The following WDFY2 variants were observed in gnomAD, a reference collection of about 807,000 sequenced individuals.
WDFY2 encodes WD repeat and FYVE domain-containing protein 2.
In WDFY2, 36 loss-of-function variants were observed where a neutral mutation model predicts 56.4. That is an observed-to-expected ratio of 0.64 (90% CI 0.49 to 0.84). The LOEUF is 0.84. Ranked by LOEUF, WDFY2 falls within the 40% of genes least tolerant of loss-of-function variation. The probability of loss-of-function intolerance (pLI) is 0.00; values close to 1 mark genes in which losing one functional copy is unlikely to be tolerated. For synonymous variants in WDFY2, 176 were observed against 183.7 expected, an observed-to-expected ratio of 0.96 and a Z score of 0.34; for missense variants, 444 against 512.2, an observed-to-expected ratio of 0.87 and a Z score of 1.29.
chr13:51,694,255 C>T (rs989019969), intron 3 of WDFY2, among the ~76,000 whole-genome samples: 1 of 152,140 alleles, frequency 6.6e-6, no homozygotes, highest in Non-Finnish European at 1.5e-5. Context: ...TTGCCCGTTA[C>T]TTGATGCAGT....
chr13:51,595,391 G>T (rs552738469), intron 1 of WDFY2, among the ~76,000 whole-genome samples: 2 of 152,310 alleles, frequency 1.3e-5, no homozygotes, highest in African/African-American at 4.8e-5. Flanking sequence ...TAGAAGTTTT[G>T]AATTTGTCGG....
At chr13:51,669,915 C>T (rs1028663431) in intron 2 of WDFY2, among the ~76,000 whole-genome samples, 2 of 152,150 alleles carry the variant, frequency 1.3e-5, no homozygotes, top group African/African-American at 2.4e-5. Context: ...TTTATTTCAT[C>T]TAGAGTTCAG....
At chr13:51,601,889 G>A (rs1484987369) in intron 1 of WDFY2, among the ~76,000 whole-genome samples, 1 of 152,160 alleles carries the variant, frequency 6.6e-6, no homozygotes, top group African/African-American at 2.4e-5. Context: ...GTTTTTCAGA[G>A]GAAAAGCTAG....
chr13:51,598,724 A>G (rs766005262), intron 1 of WDFY2: 1 of 152,206 alleles, frequency 6.6e-6, no homozygotes, highest in South Asian at 2.1e-4. Context: ...TACTATATCA[A>G]TGGTAGGGTT....
chr13:51,696,662 G>T (rs1047531530), intron 3 of WDFY2, among the ~76,000 whole-genome samples: 1 of 152,122 alleles, frequency 6.6e-6, no homozygotes, highest in African/African-American at 2.4e-5. Flanking sequence ...CGCACCTCTT[G>T]TCTTATACCA....
intron 1 of WDFY2, among the ~76,000 whole-genome samples, chr13:51,633,396 T>C (rs1954990047): frequency 6.6e-6 from 1 of 152,256 alleles, no homozygotes; most frequent in African/African-American, 2.4e-5. Flanking sequence ...GTCATCTTGT[T>C]CAACTTCTGA....
At chr13:51,685,346 TGGGGGTTAG>T (rs1183391345) in intron 3 of WDFY2, among the ~76,000 whole-genome samples, 3 of 152,314 alleles carry the variant, frequency 2.0e-5, no homozygotes, top group Admixed American at 6.5e-5. Flanking sequence ...TTGAACAATG[TGGGGGTTAG>T]GGGCACTGAC....
At chr13:51,753,755 G>A (rs1430871593) in intron 8 of WDFY2, among the ~76,000 whole-genome samples, 2 of 152,070 alleles carry the variant, frequency 1.3e-5, no homozygotes, top group African/African-American at 4.8e-5. Context: ...AAAGGTGTGT[G>A]TGTGTGTGTA....
At chr13:51,694,251 G>A (rs539123357) in intron 3 of WDFY2, among the ~76,000 whole-genome samples, 28 of 152,224 alleles carry the variant, frequency 1.8e-4, no homozygotes, top group African/African-American at 4.3e-4. Context: ...TATTTTGCCC[G>A]TTACTTGATG....
intron 8 of WDFY2, among the ~76,000 whole-genome samples, chr13:51,753,643 T>G (rs1214916700): frequency 1.3e-5 from 2 of 152,206 alleles, no homozygotes; most frequent in East Asian, 3.8e-4. Flanking sequence ...ACATGCTGAT[T>G]TATTTTTTCC....
chr13:51,606,305 G>A (rs1254887692), intron 1 of WDFY2, among the ~76,000 whole-genome samples: 1 of 152,200 alleles, frequency 6.6e-6, no homozygotes. Context: ...CATCAGGCAT[G>A]TTGTAAGCAC....
intron 1 of WDFY2, among the ~76,000 whole-genome samples, chr13:51,630,491 A>C (rs1011598519): frequency 4.7e-5 from 7 of 149,174 alleles, no homozygotes; most frequent in Non-Finnish European, 7.4e-5. Flanking sequence ...TGTTTGGGTC[A>C]CCACAGTGCC....
chr13:51,727,313 C>T (rs1479563594), intron 5 of WDFY2, among the ~76,000 whole-genome samples: 1 of 152,170 alleles, frequency 6.6e-6, no homozygotes, highest in African/African-American at 2.4e-5. Context: ...TCTGGTAGGG[C>T]TAACCTCCCT....
chr13:51,611,217 A>G (rs2138335120), intron 1 of WDFY2, among the ~76,000 whole-genome samples: 1 of 152,304 alleles, frequency 6.6e-6, no homozygotes, highest in Middle Eastern at 3.4e-3. Flanking sequence ...CTCAGAAAAT[A>G]TTTGTTGAAT....
At chr13:51,699,188 T>C (rs1159250584) in intron 3 of WDFY2, among the ~76,000 whole-genome samples, 5 of 152,178 alleles carry the variant, frequency 3.3e-5, no homozygotes, top group Admixed American at 3.3e-4. Context: ...GGCTAGGTGG[T>C]ACAACTTTCT....
At chr13:51,695,988 G>A (rs1405477344) in intron 3 of WDFY2, among the ~76,000 whole-genome samples, 1 of 152,252 alleles carries the variant, frequency 6.6e-6, no homozygotes, top group African/African-American at 2.4e-5. Context: ...GCCAGGTGCG[G>A]GATATAATCT....
intron 6 of WDFY2, among the ~76,000 whole-genome samples, chr13:51,736,234 T>G (rs1952832444): frequency 6.6e-6 from 1 of 152,158 alleles, no homozygotes; most frequent in Non-Finnish European, 1.5e-5. Context: ...CCAATTAATC[T>G]CAACAATACT....
intron 4 of WDFY2, among the ~76,000 whole-genome samples, chr13:51,708,998 A>C (rs1952149290): frequency 6.6e-6 from 1 of 152,204 alleles, no homozygotes; most frequent in South Asian, 2.1e-4. Context: ...GTTTTGAAAT[A>C]TGTGACCCCA....
intron 4 of WDFY2, among the ~76,000 whole-genome samples, chr13:51,712,385 A>G (rs1952241544): frequency 6.6e-6 from 1 of 152,202 alleles, no homozygotes; most frequent in African/African-American, 2.4e-5. Context: ...TGGCACAAGT[A>G]TACATATGTA....
Sources: gnomAD v4.1 joint callset for allele counts (sites outside exome capture counted in the v4.1 genomes callset) on GRCh38, gnomAD v4.1.1 for gene constraint, MANE v1.5 for transcripts, NCBI Gene and HGNC (gene_info 2026-07-23, HGNC 2026-07-21) for gene names.